TENT4B: variants seen among roughly 807,000 people sequenced by gnomAD.
The protein encoded by TENT4B is terminal nucleotidyltransferase 4B, also known as PAP associated domain containing 5.
In TENT4B, 10 loss-of-function variants were observed where a neutral mutation model predicts 75.0. The ratio of observed to expected loss-of-function variants is 0.13; its 90% CI spans 0.08 to 0.23. The LOEUF is 0.23. Among genes scored for constraint, TENT4B ranks in the 10% least tolerant of loss-of-function variants. TENT4B has a pLI of 1.00. For missense variants in TENT4B, 579 were observed against 893.8 expected (o/e 0.65, Z 4.49); for synonymous variants, 350 against 357.7 (o/e 0.98, Z 0.24).
chr16:50,160,518 C>T (rs1237643944), intron 1 of TENT4B, among the ~76,000 whole-genome samples: 2 of 152,144 alleles, frequency 1.3e-5, no homozygotes, highest in South Asian at 4.1e-4. Context: ...TCCTGGCATG[C>T]CAGATGGCCT....
intron 5 of TENT4B, among the ~76,000 whole-genome samples, chr16:50,221,088 A>T (rs980258681): frequency 2.0e-5 from 3 of 152,004 alleles, no homozygotes; most frequent in Non-Finnish European, 4.4e-5. Context: ...GGAGTTCAAG[A>T]CCAGCCCGGG....
chr16:50,190,489 A>G (rs1453875091), intron 1 of TENT4B, among the ~76,000 whole-genome samples: 1 of 151,952 alleles, frequency 6.6e-6, no homozygotes, highest in African/African-American at 2.4e-5. Context: ...AATAATCTTT[A>G]TGTCTGTATA....
intron 1 of TENT4B, among the ~76,000 whole-genome samples, chr16:50,199,090 A>G (rs958782335): frequency 1.3e-5 from 2 of 152,166 alleles, no homozygotes; most frequent in Non-Finnish European, 2.9e-5. Flanking sequence ...CAGCCAGAGG[A>G]AAGGAGGTGT....
At chr16:50,164,217 G>C (rs530405162) in intron 1 of TENT4B, among the ~76,000 whole-genome samples, 1 of 152,114 alleles carries the variant, frequency 6.6e-6, no homozygotes, top group Non-Finnish European at 1.5e-5. Context: ...CATTTTGGCT[G>C]GTTTTGAACT....
At chr16:50,196,256 GC>G (rs1214936152) in intron 1 of TENT4B, among the ~76,000 whole-genome samples, 1 of 152,140 alleles carries the variant, frequency 6.6e-6, no homozygotes, top group Non-Finnish European at 1.5e-5. Flanking sequence ...CCTGTGATCT[GC>G]TGGTTGGCAG....
intron 1 of TENT4B, among the ~76,000 whole-genome samples, chr16:50,197,289 A>C (rs1567498467): frequency 6.6e-6 from 1 of 152,132 alleles, no homozygotes; most frequent in Non-Finnish European, 1.5e-5. Flanking sequence ...TAGCCAAATT[A>C]AATTTAAGTT....
chr16:50,181,888 A>G (rs2038422716), intron 1 of TENT4B, among the ~76,000 whole-genome samples: 1 of 152,196 alleles, frequency 6.6e-6, no homozygotes, highest in African/African-American at 2.4e-5. Context: ...ACCTGGAAAC[A>G]TTTTATTAAA....
At chr16:50,204,325 T>A (rs985212840) in intron 1 of TENT4B, among the ~76,000 whole-genome samples, 1 of 152,118 alleles carries the variant, frequency 6.6e-6, no homozygotes, top group African/African-American at 2.4e-5. Flanking sequence ...TTTTTTGGTT[T>A]TGGGAACAAG....
At chr16:50,213,093 T>C (rs1291839680) in intron 2 of TENT4B, among the ~76,000 whole-genome samples, 2 of 151,942 alleles carry the variant, frequency 1.3e-5, no homozygotes, top group African/African-American at 4.8e-5. Flanking sequence ...GGAGTCTCGC[T>C]CTGTCGCCCA....
At chr16:50,163,333 G>T (rs1435738831) in intron 1 of TENT4B, among the ~76,000 whole-genome samples, 1 of 151,852 alleles carries the variant, frequency 6.6e-6, no homozygotes, top group Non-Finnish European at 1.5e-5. Flanking sequence ...TGTTTGTTTG[G>T]GGTGTTTATA....
intron 1 of TENT4B, among the ~76,000 whole-genome samples, chr16:50,184,020 G>T (rs1006445077): frequency 6.6e-6 from 1 of 152,148 alleles, no homozygotes; most frequent in South Asian, 2.1e-4. Context: ...AACCCAAAAA[G>T]AAACTTTGTA....
chr16:50,207,163 T>G (rs750286346), intron 1 of TENT4B, among the ~76,000 whole-genome samples: 45 of 151,928 alleles, frequency 3.0e-4, no homozygotes, highest in Non-Finnish European at 5.0e-4. Flanking sequence ...AGGGATCTTG[T>G]TCACTTTTCC....
chr16:50,179,147 G>A (rs2038363726), intron 1 of TENT4B, among the ~76,000 whole-genome samples: 1 of 152,154 alleles, frequency 6.6e-6, no homozygotes, highest in African/African-American at 2.4e-5. Flanking sequence ...TGGATCACCT[G>A]AGGTCAGGAG....
intron 5 of TENT4B, among the ~76,000 whole-genome samples, chr16:50,220,267 C>T (rs1459126872): frequency 6.6e-6 from 1 of 151,544 alleles, no homozygotes; most frequent in African/African-American, 2.4e-5. Flanking sequence ...GGATTACAGG[C>T]GTGAGCCACT....
intron 1 of TENT4B, among the ~76,000 whole-genome samples, chr16:50,194,744 ATTTTTT>A: frequency 1.4e-5 from 1 of 69,402 alleles, no homozygotes; most frequent in Non-Finnish European, 2.7e-5. Flanking sequence ...TGCTTGGCTA[ATTTTTT>A]TTTTTTTTTT....
intron 4 of TENT4B, among the ~76,000 whole-genome samples, chr16:50,216,933 A>G (rs1293324323): frequency 1.3e-5 from 2 of 152,316 alleles, no homozygotes; most frequent in East Asian, 3.9e-4. Flanking sequence ...GCTTTTTAGA[A>G]TAATTTTTAT....
chr16:50,223,209 A>G lies in TENT4B; in HGVS notation c.1203A>G (p.Thr401=). The G allele has an allele frequency of 6.2e-7, 1 of 1,613,268 alleles. No individual in the cohort carries two copies. The highest frequency in any genetic ancestry group is 8.5e-7 in the Non-Finnish European group (1 of 1,179,496). Residue 401 remains threonine (T), a synonymous_variant, in exon 7 of 12, where the codon ACA becomes ACG. Coordinates refer to ENST00000561678, the MANE Select transcript of TENT4B (RefSeq NM_001365324.3). ...HPREDACIPN[T]NYGVLLIEFF... is the part of the protein sequence containing the mutation. ...GGGAAGATGCTTGCATCCCCAATAC[A>G]AACTATGGTGTTCTCTTAATAGAAT...
intron 1 of TENT4B, among the ~76,000 whole-genome samples, chr16:50,173,463 T>C (rs2038244327): frequency 6.6e-6 from 1 of 152,202 alleles, no homozygotes; most frequent in Non-Finnish European, 1.5e-5. Flanking sequence ...AGAGTATGTT[T>C]AGTTTTGTAA....
intron 1 of TENT4B, among the ~76,000 whole-genome samples, chr16:50,196,996 A>G (rs980262058): frequency 6.6e-6 from 1 of 151,810 alleles, no homozygotes; most frequent in Non-Finnish European, 1.5e-5. Context: ...AGTCTCAGCT[A>G]CTTGGGAGGC....
Sources: allele counts gnomAD v4.1 joint callset (sites outside exome capture counted in the v4.1 genomes callset), GRCh38; gene constraint gnomAD v4.1.1; transcripts MANE v1.5; gene names NCBI Gene and HGNC (gene_info 2026-07-23, HGNC 2026-07-21).